The following CACNA2D3 variants were observed in gnomAD, a reference collection of about 807,000 sequenced individuals.
CACNA2D3 encodes calcium voltage-gated channel auxiliary subunit alpha2delta 3.
Under a neutral mutation model 160.6 loss-of-function variants are expected in CACNA2D3, and 60 were observed. That is an observed-to-expected ratio of 0.37 (90% CI 0.30 to 0.46). CACNA2D3 has a LOEUF of 0.46. Ranked by LOEUF, CACNA2D3 falls within the 20% of genes least tolerant of loss-of-function variation. The pLI is 1.00. For missense variants in CACNA2D3, 1,205 were observed against 1,365.0 expected, an observed-to-expected ratio of 0.88 and a Z score of 1.85; for synonymous variants, 558 against 492.9, an observed-to-expected ratio of 1.13 and a Z score of -1.75.
intron 2 of CACNA2D3, among the ~76,000 whole-genome samples, chr3:54,150,686 G>C (rs914411359): frequency 6.6e-6 from 1 of 152,198 alleles, no homozygotes; most frequent in East Asian, 1.9e-4. Flanking sequence ...CCCTGGAAGA[G>C]GCGTAAGTCA....
rs10576329 is a variant in CACNA2D3 at position 55,038,864 on chromosome 3, C to CTATATATA, written c.2987+20584_2987+20591dup. ...TAAGATAAGTGAAGTAGCCAGGATG[C>CTATATATA]TATATATATATATATATATATATAT... On this transcript the variant is annotated intron_variant, in intron 35 of 37. Coordinates refer to ENST00000474759, the MANE Select transcript of CACNA2D3 (RefSeq NM_018398.3). Among the ~76,000 whole-genome samples, 473 of 99,022 alleles carry CTATATATA rather than the reference C, an allele frequency of 4.8e-3. 2 individuals are homozygous for CTATATATA. Among genetic ancestry groups the CTATATATA allele is most frequent in the South Asian group, 6.9e-3 (14 of 2,032 alleles). The allele number at this position is 99,022 out of a possible 152,430, so 65.0% of individuals were successfully genotyped here.
chr3:54,339,971 G>A (rs1302028054), intron 3 of CACNA2D3, among the ~76,000 whole-genome samples: 4 of 152,188 alleles, frequency 2.6e-5, no homozygotes, highest in African/African-American at 9.7e-5. Context: ...ATGCTGGAGA[G>A]TTATTTCTTG....
intron 2 of CACNA2D3, among the ~76,000 whole-genome samples, chr3:54,220,987 G>A (rs971550010): frequency 6.6e-5 from 10 of 152,188 alleles, no homozygotes; most frequent in African/African-American, 2.2e-4. Flanking sequence ...AATGGAGGGG[G>A]TGAGAAAGTA....
intron 10 of CACNA2D3, among the ~76,000 whole-genome samples, chr3:54,636,117 G>C (rs1397162516): frequency 1.3e-5 from 2 of 151,872 alleles, no homozygotes; most frequent in African/African-American, 4.9e-5. Flanking sequence ...TTATTTCCTT[G>C]AGGATAGATT....
intron 3 of CACNA2D3, among the ~76,000 whole-genome samples, chr3:54,376,275 T>TTCGCCGTCACCTC (rs1699010925): frequency 6.6e-6 from 1 of 152,228 alleles, no homozygotes; most frequent in Non-Finnish European, 1.5e-5. Flanking sequence ...TTGCTGCTCC[T>TTCGCCGTCACCTC]TCGCCGTCAC....
intron 4 of CACNA2D3, among the ~76,000 whole-genome samples, chr3:54,474,507 C>T (rs1700794021): frequency 1.3e-5 from 2 of 152,036 alleles, no homozygotes; most frequent in Admixed American, 6.5e-5. Flanking sequence ...TGTAACAAAC[C>T]TTCATGTTCT....
At chr3:54,954,136 AT>A (rs1701824565) in intron 27 of CACNA2D3, among the ~76,000 whole-genome samples, 1 of 152,152 alleles carries the variant, frequency 6.6e-6, no homozygotes, top group South Asian at 2.1e-4. Flanking sequence ...TTATTTAATC[AT>A]GTCATCATGC....
chr3:54,465,296 G>C (rs1249582815), intron 4 of CACNA2D3, among the ~76,000 whole-genome samples: 1 of 151,704 alleles, frequency 6.6e-6, no homozygotes, highest in East Asian at 1.9e-4. Flanking sequence ...ATCTCACTGA[G>C]TTTCCTTAAG....
chr3:54,133,311 C>A (rs879907317), intron 2 of CACNA2D3, among the ~76,000 whole-genome samples: 1 of 152,134 alleles, frequency 6.6e-6, no homozygotes, highest in Non-Finnish European at 1.5e-5. Flanking sequence ...TCTTTAACAT[C>A]TGAGACAGAG....
At chr3:54,852,212 G>C (rs1194031260) in intron 17 of CACNA2D3, among the ~76,000 whole-genome samples, 1 of 152,198 alleles carries the variant, frequency 6.6e-6, no homozygotes, top group Non-Finnish European at 1.5e-5. Flanking sequence ...AGAATTCAAG[G>C]GGCCTTGACT....
intron 35 of CACNA2D3, among the ~76,000 whole-genome samples, chr3:55,022,721 TC>T (rs200042134): frequency 0.019 from 2,879 of 149,784 alleles, 113 homozygotes; most frequent in African/African-American, 0.066. Flanking sequence ...TTTTTTTTTT[TC>T]CATACTCTAT....
intron 11 of CACNA2D3, among the ~76,000 whole-genome samples, chr3:54,731,807 G>A (rs911982519): frequency 2.0e-5 from 3 of 152,030 alleles, no homozygotes; most frequent in African/African-American, 7.3e-5. Context: ...TCAAAGGCAG[G>A]TAATGTCTTC....
chr3:54,793,207 G>A (rs939793222), intron 13 of CACNA2D3, among the ~76,000 whole-genome samples: 7 of 152,204 alleles, frequency 4.6e-5, no homozygotes, highest in African/African-American at 1.7e-4. Flanking sequence ...TTTCTAGGAA[G>A]GAAGTGAATA....
intron 35 of CACNA2D3, among the ~76,000 whole-genome samples, chr3:55,024,134 A>G (rs571145045): frequency 7.2e-6 from 1 of 139,846 alleles, no homozygotes; most frequent in Non-Finnish European, 1.5e-5. Flanking sequence ...GGAGCCTTGG[A>G]AGCAATGGGT....
At chr3:54,581,034 C>T (rs943205690) in intron 8 of CACNA2D3, among the ~76,000 whole-genome samples, 9 of 152,140 alleles carry the variant, frequency 5.9e-5, no homozygotes, top group African/African-American at 2.2e-4. Flanking sequence ...TCCAGAGCCT[C>T]ACAAAGTCCC....
At position 54,849,080 on chromosome 3, in the gene CACNA2D3, A is replaced by G. The variant is rs201155502; in HGVS notation, c.1626+2613A>G. On this transcript the variant is annotated intron_variant, in intron 17 of 37. Coordinates refer to ENST00000474759, the MANE Select transcript of CACNA2D3 (RefSeq NM_018398.3). ...TATTCAGGTGATTCAGGTTTTTGTG[A>G]TAGACATTGGGAAGGGATCGTGTAC... Among the ~76,000 whole-genome samples the G allele has an allele frequency of 6.6e-5, 10 of 152,290 alleles. No individual in the cohort carries two copies. In the East Asian group the frequency reaches 1.9e-3, roughly 29 times the overall value.
chr3:54,521,165 T>G (rs7432776), intron 5 of CACNA2D3, among the ~76,000 whole-genome samples: 73,508 of 152,006 alleles, frequency 0.48, 18,233 homozygotes, highest in South Asian at 0.55. Context: ...TGTGTTTTAC[T>G]GTTTGAAAAA....
intron 2 of CACNA2D3, among the ~76,000 whole-genome samples, chr3:54,203,027 C>T (rs552354958): frequency 6.6e-6 from 1 of 152,342 alleles, no homozygotes; most frequent in East Asian, 1.9e-4. Flanking sequence ...TGTAGAGCTT[C>T]TAGTCAGCTT....
chr3:54,462,752 A>T (rs1700531358), intron 4 of CACNA2D3, among the ~76,000 whole-genome samples: 1 of 152,124 alleles, frequency 6.6e-6, no homozygotes, highest in African/African-American at 2.4e-5. Context: ...GTGTCTTTTA[A>T]TTGGAGCATT....
Sources: gnomAD v4.1 joint callset for allele counts (sites outside exome capture counted in the v4.1 genomes callset) on GRCh38, gnomAD v4.1.1 for gene constraint, MANE v1.5 for transcripts, NCBI Gene and HGNC (gene_info 2026-07-23, HGNC 2026-07-21) for gene names.